The following DPP6 variants were observed in gnomAD, a reference collection of about 807,000 sequenced individuals.
DPP6 encodes the protein A-type potassium channel modulatory protein DPP6.
Under a neutral mutation model 122.6 loss-of-function variants are expected in DPP6, and 69 were observed. The ratio of observed to expected loss-of-function variants is 0.56; its 90% CI spans 0.46 to 0.69. The LOEUF (loss-of-function observed/expected upper bound fraction) is 0.69. DPP6 is among the 30% of genes least tolerant of loss of function. DPP6 has a pLI of 0.00. For synonymous variants in DPP6, 418 were observed against 433.1 expected, an observed-to-expected ratio of 0.97 and a Z score of 0.43; for missense variants, 928 against 1,116.9, an observed-to-expected ratio of 0.83 and a Z score of 2.41.
chr7:153,780,622 G>T, the DPP6 span, among the ~76,000 whole-genome samples: 2 of 152,150 alleles, frequency 1.3e-5, no homozygotes, highest in South Asian at 4.1e-4. Context: ...GATAAGTATT[G>T]TGATTGGCGA....
chr7:154,669,056 C>A (rs961998108), intron 6 of DPP6, among the ~76,000 whole-genome samples: 7 of 152,158 alleles, frequency 4.6e-5, no homozygotes, highest in African/African-American at 1.7e-4. Context: ...TTAACTTTGA[C>A]TGTTCTGGAG....
At chr7:154,503,827 G>A (rs2031238610) in intron 3 of DPP6, among the ~76,000 whole-genome samples, 1 of 152,192 alleles carries the variant, frequency 6.6e-6, no homozygotes, top group African/African-American at 2.4e-5. Flanking sequence ...TTCTGCATCA[G>A]GAGGACTAGC....
chr7:154,047,601 C>T (rs1212490816), upstream of DPP6, among the ~76,000 whole-genome samples: 2 of 150,674 alleles, frequency 1.3e-5, no homozygotes, highest in Admixed American at 1.3e-4. Flanking sequence ...CATTGTGTCA[C>T]CAGAAAATAG....
the DPP6 span, among the ~76,000 whole-genome samples, chr7:153,769,209 C>T: frequency 6.6e-6 from 1 of 152,136 alleles, no homozygotes; most frequent in Non-Finnish European, 1.5e-5. Context: ...CAAATGATAA[C>T]AGTTATATCT....
chr7:153,852,173 G>A, the DPP6 span, among the ~76,000 whole-genome samples: 1 of 152,198 alleles, frequency 6.6e-6, no homozygotes, highest in Non-Finnish European at 1.5e-5. Flanking sequence ...AGCCTGGCTG[G>A]GAGGAGCAGT....
chr7:154,653,587 G>A (rs1586817210), intron 6 of DPP6, among the ~76,000 whole-genome samples: 1 of 151,756 alleles, frequency 6.6e-6, no homozygotes, highest in African/African-American at 2.4e-5. Context: ...ATAGGTGATA[G>A]ATAATAGACT....
At chr7:154,433,335 GT>G (rs1288670384) in intron 1 of DPP6, among the ~76,000 whole-genome samples, 9 of 9,492 alleles carry the variant, frequency 9.5e-4, no homozygotes, top group African/African-American at 6.1e-3. Flanking sequence ...CATTTTTTTT[GT>G]TTTTGTTTTT....
At chr7:153,990,827 T>A (rs1445006458) in intron 1 of DPP6, among the ~76,000 whole-genome samples, 2 of 152,218 alleles carry the variant, frequency 1.3e-5, no homozygotes, top group Admixed American at 1.3e-4. Context: ...AGGAGTGACG[T>A]CCAAGTTTAT....
chr7:154,882,643 G>A (rs1227678727), intron 21 of DPP6, among the ~76,000 whole-genome samples: 1 of 152,146 alleles, frequency 6.6e-6, no homozygotes, highest in Admixed American at 6.5e-5. Flanking sequence ...GGGCACCTGT[G>A]CGTTATGTTC....
intron 5 of DPP6, among the ~76,000 whole-genome samples, chr7:154,574,291 ATG>A (rs1319017490): frequency 9.8e-6 from 1 of 101,774 alleles, no homozygotes; most frequent in Non-Finnish European, 1.9e-5. Flanking sequence ...TGTGTGGCGT[ATG>A]TGTGTGTATG....
intron 1 of DPP6, among the ~76,000 whole-genome samples, chr7:154,091,077 C>T (rs1290811830): frequency 3.3e-5 from 5 of 150,858 alleles, no homozygotes; most frequent in African/African-American, 7.3e-5. Context: ...GCCGAGACTG[C>T]GCCACTGCAC....
chr7:153,748,886 A>G, the DPP6 span, among the ~76,000 whole-genome samples: 57,440 of 143,666 alleles, frequency 0.4, 10,526 homozygotes, highest in East Asian at 0.63. Context: ...CTCTGTCGCC[A>G]CCCTCCACGC....
intron 1 of DPP6, among the ~76,000 whole-genome samples, chr7:154,190,320 T>G (rs1017345565): frequency 6.6e-6 from 1 of 152,072 alleles, no homozygotes; most frequent in African/African-American, 2.4e-5. Context: ...CCAGGTGAGG[T>G]TGGCTAGAAT....
the DPP6 span, among the ~76,000 whole-genome samples, chr7:153,811,021 C>G: frequency 6.6e-6 from 1 of 151,780 alleles, no homozygotes; most frequent in East Asian, 2.0e-4. Flanking sequence ...AAACAGGAAT[C>G]TTGCTTAACT....
chr7:154,476,023 G>A (rs10237228), intron 3 of DPP6: 46,714 of 152,100 alleles, frequency 0.31, 7,416 homozygotes, highest in Middle Eastern at 0.4. Context: ...ATCGAGTGTC[G>A]TTGTATGTTT....
the DPP6 span, among the ~76,000 whole-genome samples, chr7:153,877,123 T>TA: frequency 6.6e-6 from 1 of 151,740 alleles, no homozygotes; most frequent in Non-Finnish European, 1.5e-5. Flanking sequence ...AAACTAAAAC[T>TA]AAAACAAAAA....
intron 1 of DPP6, among the ~76,000 whole-genome samples, chr7:153,983,666 A>C (rs39135): frequency 0.24 from 35,955 of 148,044 alleles, 4,809 homozygotes; most frequent in East Asian, 0.37. Context: ...AAAGCCAGGG[A>C]CCTGGTGATA....
chr7:154,209,875 G>T (rs1386063082), intron 1 of DPP6, among the ~76,000 whole-genome samples: 2 of 152,180 alleles, frequency 1.3e-5, no homozygotes, highest in Non-Finnish European at 2.9e-5. Context: ...CAAAGGGCAT[G>T]GACCCCTGGC....
chr7:154,351,505 C>G (rs1387777240), intron 1 of DPP6, among the ~76,000 whole-genome samples: 1 of 152,102 alleles, frequency 6.6e-6, no homozygotes, highest in Non-Finnish European at 1.5e-5. Context: ...TCTCCAGACC[C>G]CAACTCCTCC....
Sources: allele counts gnomAD v4.1 joint callset (sites outside exome capture counted in the v4.1 genomes callset), GRCh38; gene constraint gnomAD v4.1.1; transcripts MANE v1.5; gene names NCBI Gene and HGNC (gene_info 2026-07-23, HGNC 2026-07-21).